Variants in PPM1L observed in about 807,000 individuals in gnomAD.
PPM1L encodes the protein protein phosphatase, Mg2+/Mn2+ dependent 1L, also known as protein phosphatase 1L.
Under a neutral mutation model 31.4 loss-of-function variants are expected in PPM1L, and 13 were observed. The observed-to-expected ratio is 0.41, with a 90% CI of 0.27 to 0.66. The LOEUF (loss-of-function observed/expected upper bound fraction) is 0.66, where lower values mean the gene tolerates loss of function less well. PPM1L is among the 30% of genes least tolerant of loss of function. PPM1L has a pLI of 0.29. For synonymous variants in PPM1L, 184 were observed against 175.4 expected (o/e 1.05, Z -0.39); for missense variants, 326 against 453.7 (o/e 0.72, Z 2.56).
intron 2 of PPM1L, among the ~76,000 whole-genome samples, chr3:160,973,764 G>GTCTTTTTT (rs1716436296): frequency 1.1e-5 from 1 of 88,450 alleles, no homozygotes; most frequent in African/African-American, 3.6e-5. Flanking sequence ...GAAAGGCCCT[G>GTCTTTTTT]TTTTTTTTTT....
At chr3:161,005,064 G>T (rs1372036286) in intron 2 of PPM1L, among the ~76,000 whole-genome samples, 3 of 151,970 alleles carry the variant, frequency 2.0e-5, no homozygotes, top group Non-Finnish European at 2.9e-5. Context: ...TGATTTCAAA[G>T]AACATCTTTA....
chr3:161,005,016 G>A (rs1004260055), intron 2 of PPM1L, among the ~76,000 whole-genome samples: 18 of 152,084 alleles, frequency 1.2e-4, no homozygotes, highest in African/African-American at 3.1e-4. Flanking sequence ...CTTTGAATGC[G>A]TCCCAGAGAT....
intron 1 of PPM1L, among the ~76,000 whole-genome samples, chr3:160,902,657 C>T (rs1383419088): frequency 6.6e-6 from 1 of 152,094 alleles, no homozygotes; most frequent in Non-Finnish European, 1.5e-5. Flanking sequence ...TTTTCTACAT[C>T]GACTGAATTT....
chr3:160,828,590 G>A (rs1713422253), intron 1 of PPM1L, among the ~76,000 whole-genome samples: 1 of 152,078 alleles, frequency 6.6e-6, no homozygotes, highest in African/African-American at 2.4e-5. Context: ...CATAAAAAGG[G>A]GCTAGCAAGT....
chr3:160,787,962 C>T (rs1711984321), intron 1 of PPM1L, among the ~76,000 whole-genome samples: 1 of 152,042 alleles, frequency 6.6e-6, no homozygotes, highest in Admixed American at 6.6e-5. Context: ...TGTTCTGTTC[C>T]ATTGGTCTAT....
At chr3:160,857,827 T>C (rs1711764937) in intron 1 of PPM1L, among the ~76,000 whole-genome samples, 1 of 152,224 alleles carries the variant, frequency 6.6e-6, no homozygotes, top group African/African-American at 2.4e-5. Flanking sequence ...CTAATTATTT[T>C]CTTCTGTGGA....
chr3:160,817,325 A>G (rs1300084628), intron 1 of PPM1L, among the ~76,000 whole-genome samples: 1 of 152,096 alleles, frequency 6.6e-6, no homozygotes, highest in Non-Finnish European at 1.5e-5. Flanking sequence ...GATTGATGTC[A>G]GAGGCGGAAG....
intron 2 of PPM1L, among the ~76,000 whole-genome samples, chr3:160,964,505 G>GGTCT (rs1329998312): frequency 6.6e-6 from 1 of 151,940 alleles, no homozygotes; most frequent in Non-Finnish European, 1.5e-5. Context: ...AGGAGGAGCT[G>GGTCT]GTCTTGCTGT....
At chr3:160,863,269 T>C (rs1406029253) in intron 1 of PPM1L, among the ~76,000 whole-genome samples, 4 of 152,208 alleles carry the variant, frequency 2.6e-5, no homozygotes, top group African/African-American at 9.6e-5. Flanking sequence ...AAACACTTCA[T>C]AGCAAATGAG....
At chr3:160,863,309 C>T (rs1043040981) in intron 1 of PPM1L, among the ~76,000 whole-genome samples, 4 of 152,206 alleles carry the variant, frequency 2.6e-5, no homozygotes, top group Admixed American at 2.0e-4. Flanking sequence ...CTTACCTCAG[C>T]TTTCTAGTCG....
chr3:160,991,166 C>T (rs900821387), intron 2 of PPM1L, among the ~76,000 whole-genome samples: 3 of 151,872 alleles, frequency 2.0e-5, no homozygotes, highest in African/African-American at 4.8e-5. Flanking sequence ...CATTCAAAGT[C>T]GTCCTGGGCT....
rs71628437 is a variant in PPM1L, at chr3:160,970,787, A to ATTTTTT, written c.574+8894_574+8899dup. On this transcript the variant is annotated intron_variant, in intron 2 of 3. Transcript: ENST00000498165. ...CAAGCTGATTTTAATTTCAGTTATA[A>ATTTTTT]TTTTTTTTTTTTTTTTTTTTTTGAG... 3.6e-3 allele frequency among the ~76,000 whole-genome samples: 346 copies of ATTTTTT among 96,946 alleles called. 29 individuals are homozygous for ATTTTTT. Among genetic ancestry groups the ATTTTTT allele is most frequent in the African/African-American group, 4.8e-3 (108 of 22,332 alleles). The allele number at this position is 96,946 out of a possible 152,430, so 63.6% of individuals were successfully genotyped here. A position where few individuals can be genotyped will look rare whatever the true frequency, so the allele number is the denominator to read the frequency against.
intron 1 of PPM1L, among the ~76,000 whole-genome samples, chr3:160,913,729 A>C (rs1352199151): frequency 6.6e-6 from 1 of 152,218 alleles, no homozygotes; most frequent in Non-Finnish European, 1.5e-5. Flanking sequence ...TTTATATGTC[A>C]GTAGTTCATT....
chr3:161,054,570 G>C (rs952287953), intron 2 of PPM1L, among the ~76,000 whole-genome samples: 6 of 152,096 alleles, frequency 3.9e-5, no homozygotes, highest in African/African-American at 1.2e-4. Context: ...ACCTTTTTCT[G>C]GTTTGCACAC....
intron 1 of PPM1L, among the ~76,000 whole-genome samples, chr3:160,954,093 C>T (rs767590956): frequency 7.2e-5 from 11 of 152,134 alleles, no homozygotes; most frequent in Middle Eastern, 3.4e-3. Flanking sequence ...ACTGTATAAC[C>T]GAGGATAAGT....
At chr3:161,065,359 T>C (rs1390476613) in intron 2 of PPM1L, 44 bp from the exon 3 acceptor site, 1 of 1,589,414 alleles carries the variant, frequency 6.3e-7, no homozygotes, top group Non-Finnish European at 8.6e-7. Context: ...GGAACCTGAA[T>C]GCACTGCTGA....
chr3:160,805,164 G>A (rs1008229105), intron 1 of PPM1L, among the ~76,000 whole-genome samples: 3 of 152,138 alleles, frequency 2.0e-5, no homozygotes, highest in Non-Finnish European at 4.4e-5. Context: ...GTATTCCACT[G>A]GCGTATGTAA....
intron 1 of PPM1L, among the ~76,000 whole-genome samples, chr3:160,784,028 G>A (rs1184030673): frequency 6.6e-6 from 1 of 152,052 alleles, no homozygotes; most frequent in Non-Finnish European, 1.5e-5. Flanking sequence ...TAAACATGTT[G>A]GATTTCACTA....
intron 1 of PPM1L, among the ~76,000 whole-genome samples, chr3:160,944,618 T>C (rs1485384680): frequency 6.8e-6 from 1 of 146,876 alleles, no homozygotes; most frequent in Non-Finnish European, 1.5e-5. Context: ...GACGATGATG[T>C]GCAGCTTATT....
Sources: allele counts gnomAD v4.1 joint callset (sites outside exome capture counted in the v4.1 genomes callset), GRCh38; gene constraint gnomAD v4.1.1; transcripts MANE v1.5; gene names NCBI Gene and HGNC (gene_info 2026-07-23, HGNC 2026-07-21).